The following AFG2A variants were observed in gnomAD, a reference collection of about 807,000 sequenced individuals.
The protein encoded by AFG2A is AAA ATPase AFG2A, also known as ATPase family gene 2 protein homolog A.
chr4:123,102,502 C>T, the AFG2A span, among the ~76,000 whole-genome samples: 1 of 151,796 alleles, frequency 6.6e-6, no homozygotes, highest in Non-Finnish European at 1.5e-5. Flanking sequence ...ATTTAATATA[C>T]TTTTAACTAT....
chr4:123,158,139 A>C, the AFG2A span, among the ~76,000 whole-genome samples: 1 of 152,224 alleles, frequency 6.6e-6, no homozygotes, highest in Non-Finnish European at 1.5e-5. Context: ...TGAGCCAAAA[A>C]ATAGATTGAA....
At chr4:123,031,227 C>CCG in the AFG2A span, among the ~76,000 whole-genome samples, 1 of 152,126 alleles carries the variant, frequency 6.6e-6, no homozygotes, top group Non-Finnish European at 1.5e-5. Flanking sequence ...TCTCAGCTCA[C>CCG]CGCAGTTCCC....
the AFG2A span, chr4:123,314,043 G>A: frequency 8.7e-6 from 14 of 1,606,336 alleles, no homozygotes; most frequent in African/African-American, 9.4e-5. Context: ...ATCAAGAGAA[G>A]AGTGGGCTGC....
the AFG2A span, chr4:123,057,272 G>A: frequency 6.2e-7 from 1 of 1,613,788 alleles, no homozygotes; most frequent in South Asian, 1.1e-5. Context: ...GGATGCCTTA[G>A]CAGTTGAAAG....
the AFG2A span, among the ~76,000 whole-genome samples, chr4:123,264,290 A>G: frequency 6.6e-6 from 1 of 152,166 alleles, no homozygotes; most frequent in Non-Finnish European, 1.5e-5. Flanking sequence ...GTGCACCAAA[A>G]TCTCAGAAAT....
the AFG2A span, chr4:123,057,421 T>G: frequency 8.1e-6 from 7 of 861,642 alleles, no homozygotes; most frequent in African/African-American, 1.7e-5. Context: ...GTTTTCAGTT[T>G]TTGTAATTTT....
At chr4:123,066,813 G>A in the AFG2A span, among the ~76,000 whole-genome samples, 1 of 152,162 alleles carries the variant, frequency 6.6e-6, no homozygotes, top group African/African-American at 2.4e-5. Context: ...ATAGTAAACA[G>A]TAAACAAATG....
the AFG2A span, among the ~76,000 whole-genome samples, chr4:122,970,341 C>T: frequency 1.3e-5 from 2 of 151,916 alleles, no homozygotes; most frequent in Admixed American, 6.6e-5. Flanking sequence ...TATAGTAGGC[C>T]ATACCATCTA....
the AFG2A span, among the ~76,000 whole-genome samples, chr4:123,148,124 T>C: frequency 5.8e-3 from 876 of 152,324 alleles, 8 homozygotes; most frequent in African/African-American, 0.02. Flanking sequence ...TTGAAAGAGT[T>C]GATGTAAAGG....
chr4:123,303,558 A>T, the AFG2A span, among the ~76,000 whole-genome samples: 1 of 152,122 alleles, frequency 6.6e-6, no homozygotes, highest in African/African-American at 2.4e-5. Flanking sequence ...TGAGGCCAGG[A>T]GTTAGAGACC....
the AFG2A span, among the ~76,000 whole-genome samples, chr4:123,039,146 C>G: frequency 1.3e-5 from 2 of 152,082 alleles, no homozygotes; most frequent in African/African-American, 4.8e-5. Context: ...TCCAGGTTCT[C>G]TAATCTCTTT....
chr4:123,019,688 G>A, the AFG2A span, among the ~76,000 whole-genome samples: 1 of 152,098 alleles, frequency 6.6e-6, no homozygotes, highest in African/African-American at 2.4e-5. Context: ...ATTAATTTGT[G>A]TAAAGACAGA....
chr4:122,934,502 C>T, the AFG2A span: 12 of 1,614,190 alleles, frequency 7.4e-6, no homozygotes, highest in Non-Finnish European at 1.0e-5. Context: ...GAGCAACTTA[C>T]TGAAGAAGAG....
At chr4:123,286,874 T>C in the AFG2A span, among the ~76,000 whole-genome samples, 1 of 150,782 alleles carries the variant, frequency 6.6e-6, no homozygotes, top group Admixed American at 6.6e-5. Flanking sequence ...AAAAAAAAAG[T>C]ATATGTTCAC....
At chr4:123,304,370 A>T in the AFG2A span, among the ~76,000 whole-genome samples, 3 of 152,088 alleles carry the variant, frequency 2.0e-5, no homozygotes, top group Non-Finnish European at 4.4e-5. Flanking sequence ...CCTCCAGTGC[A>T]TGTGTTCGCA....
chr4:123,031,897 A>G, the AFG2A span, among the ~76,000 whole-genome samples: 1 of 152,154 alleles, frequency 6.6e-6, no homozygotes, highest in Non-Finnish European at 1.5e-5. Context: ...TGGCATATAT[A>G]TGTGTTTTTG....
the AFG2A span, among the ~76,000 whole-genome samples, chr4:123,192,174 C>T: frequency 6.6e-6 from 1 of 151,836 alleles, no homozygotes; most frequent in Admixed American, 6.6e-5. Context: ...CTACAGGTAC[C>T]CACCACCACA....
the AFG2A span, among the ~76,000 whole-genome samples, chr4:122,946,967 T>C: frequency 6.6e-6 from 1 of 152,154 alleles, no homozygotes; most frequent in South Asian, 2.1e-4. Flanking sequence ...GATGTCATAG[T>C]AGATGGAGAG....
chr4:123,203,762 T>C, the AFG2A span, among the ~76,000 whole-genome samples: 1 of 152,190 alleles, frequency 6.6e-6, no homozygotes, highest in South Asian at 2.1e-4. Flanking sequence ...GAATAAAGAG[T>C]ACAATTGTTG....
Sources: gnomAD v4.1 joint callset for allele counts (sites outside exome capture counted in the v4.1 genomes callset) on GRCh38, gnomAD v4.1.1 for gene constraint, MANE v1.5 for transcripts, NCBI Gene and HGNC (gene_info 2026-07-23, HGNC 2026-07-21) for gene names.